The following FGF12 variants were observed in gnomAD, a reference collection of about 807,000 sequenced individuals.
FGF12 encodes the protein fibroblast growth factor 12B.
Under a neutral mutation model 23.6 loss-of-function variants are expected in FGF12, and 14 were observed. The ratio of observed to expected loss-of-function variants is 0.59; its 90% confidence interval spans 0.39 to 0.93. The LOEUF (loss-of-function observed/expected upper bound fraction) is 0.93, where lower values mean the gene tolerates loss of function less well. Ranked by LOEUF, FGF12 falls within the 40% of genes least tolerant of loss-of-function variation. FGF12 has a pLI of 0.00. For synonymous variants in FGF12, 62 were observed against 77.3 expected, an observed-to-expected ratio of 0.80 and a Z score of 1.04; for missense variants, 175 against 217.8, an observed-to-expected ratio of 0.80 and a Z score of 1.24.
At chr3:192,523,159 G>T (rs1481795760) in intron 2 of FGF12, among the ~76,000 whole-genome samples, 1 of 152,044 alleles carries the variant, frequency 6.6e-6, no homozygotes, top group African/African-American at 2.4e-5. Context: ...AGACACACAG[G>T]GACTAGAAAT....
chr3:192,420,973 A>G (rs752126142), intron 2 of FGF12, among the ~76,000 whole-genome samples: 12 of 152,184 alleles, frequency 7.9e-5, no homozygotes, highest in Non-Finnish European at 1.5e-5. Flanking sequence ...TGGAAAAAAA[A>G]AGTCTTACAA....
At chr3:192,470,236 G>A (rs149391079) in intron 2 of FGF12, among the ~76,000 whole-genome samples, 3 of 152,182 alleles carry the variant, frequency 2.0e-5, no homozygotes, top group African/African-American at 7.2e-5. Flanking sequence ...GAAGCTAAAG[G>A]GTAAGAGGTT....
At chr3:192,592,624 A>G (rs1713675358) in intron 2 of FGF12, among the ~76,000 whole-genome samples, 1 of 152,012 alleles carries the variant, frequency 6.6e-6, no homozygotes, top group Non-Finnish European at 1.5e-5. Context: ...TCATAATATC[A>G]TGCAGGATGC....
chr3:192,476,078 C>T lies in FGF12; in HGVS notation c.14-115540G>A, dbSNP rs183718327. On this transcript the variant is annotated intron_variant, in intron 2 of 5. Coordinates refer to ENST00000445105, the MANE Select transcript of FGF12 (RefSeq NM_004113.6). The stretch of plus-strand genomic sequence containing the variant: ...AGCATAAAATAGAATAACGTGATCC[C>T]CAAGAGATCACCTGCAGCTCCAGGT... 1.1e-4 allele frequency among the ~76,000 whole-genome samples: 17 copies of T among 152,158 alleles called. No homozygotes were observed. In the East Asian group the frequency reaches 3.1e-3, roughly 28 times the overall value.
chr3:192,591,564 C>T (rs1164655668), intron 2 of FGF12, among the ~76,000 whole-genome samples: 1 of 151,774 alleles, frequency 6.6e-6, no homozygotes, highest in Non-Finnish European at 1.5e-5. Context: ...CCCATCAAGC[C>T]CTTTACCTCA....
intron 4 of FGF12, among the ~76,000 whole-genome samples, chr3:192,300,875 G>A (rs1340636978): frequency 6.6e-6 from 1 of 152,000 alleles, no homozygotes; most frequent in Non-Finnish European, 1.5e-5. Flanking sequence ...AAAATTAGTT[G>A]GGTGTGGTGG....
intron 2 of FGF12, among the ~76,000 whole-genome samples, chr3:192,572,499 GC>G (rs1352276772): frequency 6.6e-6 from 1 of 152,076 alleles, no homozygotes; most frequent in East Asian, 1.9e-4. Flanking sequence ...CTATATAAGG[GC>G]AACATAAGTT....
intron 2 of FGF12, among the ~76,000 whole-genome samples, chr3:192,501,996 A>G (rs1472639984): frequency 6.6e-6 from 1 of 152,210 alleles, no homozygotes; most frequent in Non-Finnish European, 1.5e-5. Context: ...CTCTTCAAGC[A>G]GTAGGGTGAC....
At chr3:192,461,075 C>A (rs1722848786) in intron 2 of FGF12, among the ~76,000 whole-genome samples, 1 of 152,090 alleles carries the variant, frequency 6.6e-6, no homozygotes, top group African/African-American at 2.4e-5. Flanking sequence ...AATGTGATAA[C>A]CTATATAACA....
At chr3:192,538,387 A>G (rs999850872) in intron 2 of FGF12, among the ~76,000 whole-genome samples, 1 of 152,092 alleles carries the variant, frequency 6.6e-6, no homozygotes, top group Non-Finnish European at 1.5e-5. Flanking sequence ...CTTTTCCCCA[A>G]TGTATGTCCT....
intron 2 of FGF12, among the ~76,000 whole-genome samples, chr3:192,627,257 T>G (rs549398452): frequency 6.6e-6 from 1 of 152,136 alleles, no homozygotes; most frequent in Non-Finnish European, 1.5e-5. Flanking sequence ...ATTTTGTACT[T>G]AACATTGTCT....
chr3:192,468,973 G>A (rs763355319), intron 2 of FGF12, among the ~76,000 whole-genome samples: 4 of 151,958 alleles, frequency 2.6e-5, no homozygotes, highest in South Asian at 2.1e-4. Context: ...ATAGATTCAC[G>A]GCTATTTCTT....
chr3:192,530,718 A>G (rs768370029), intron 2 of FGF12, among the ~76,000 whole-genome samples: 1 of 152,224 alleles, frequency 6.6e-6, no homozygotes, highest in Non-Finnish European at 1.5e-5. Context: ...GAAAGTGTTC[A>G]GGAATTAGAG....
chr3:192,457,573 AG>A (rs758899343), intron 2 of FGF12, among the ~76,000 whole-genome samples: 1 of 152,164 alleles, frequency 6.6e-6, no homozygotes, highest in Non-Finnish European at 1.5e-5. Flanking sequence ...TGAACTTGAG[AG>A]AGATGATTTA....
At chr3:192,673,954 A>G (rs1717229403) in intron 2 of FGF12, among the ~76,000 whole-genome samples, 1 of 151,150 alleles carries the variant, frequency 6.6e-6, no homozygotes. Context: ...TAGATCCTTG[A>G]GGAATCACCA....
chr3:192,429,906 A>C (rs1471527330), intron 2 of FGF12, among the ~76,000 whole-genome samples: 2 of 152,222 alleles, frequency 1.3e-5, no homozygotes, highest in Non-Finnish European at 2.9e-5. Context: ...CTGTATAGAT[A>C]TACCAGATGC....
At chr3:192,637,572 G>A (rs1206782022) in intron 2 of FGF12, among the ~76,000 whole-genome samples, 1 of 152,184 alleles carries the variant, frequency 6.6e-6, no homozygotes, top group African/African-American at 2.4e-5. Flanking sequence ...CATAGGCTCT[G>A]TGCTAAGAGC....
chr3:192,615,751 C>G (rs1026632364), intron 2 of FGF12, among the ~76,000 whole-genome samples: 1 of 151,900 alleles, frequency 6.6e-6, no homozygotes, highest in Non-Finnish European at 1.5e-5. Flanking sequence ...ATAAACAAAG[C>G]ATGGCATATT....
intron 2 of FGF12, among the ~76,000 whole-genome samples, chr3:192,494,309 C>T (rs1245988297): frequency 3.9e-5 from 6 of 152,192 alleles, no homozygotes; most frequent in Non-Finnish European, 8.8e-5. Flanking sequence ...AGTCATCTAG[C>T]ATCTGTTTGT....
Sources: gnomAD v4.1 joint callset for allele counts (sites outside exome capture counted in the v4.1 genomes callset) on GRCh38, gnomAD v4.1.1 for gene constraint, MANE v1.5 for transcripts, NCBI Gene and HGNC (gene_info 2026-07-23, HGNC 2026-07-21) for gene names.